Variants in LMBR1 observed in about 807,000 individuals in gnomAD.
LMBR1 encodes the protein limb development membrane protein 1, also known as limb region 1 protein homolog.
In LMBR1, 52 loss-of-function variants were observed where a neutral mutation model predicts 73.9. The ratio of observed to expected loss-of-function variants is 0.70; its 90% confidence interval spans 0.56 to 0.89. The LOEUF is 0.89. LMBR1 is among the 40% of genes least tolerant of loss of function. LMBR1 has a pLI of 0.00. For synonymous variants in LMBR1, 215 were observed against 209.4 expected, an observed-to-expected ratio of 1.03 and a Z score of -0.23; for missense variants, 539 against 579.8, an observed-to-expected ratio of 0.93 and a Z score of 0.72.
At chr7:156,779,633 G>C (rs1826767663) in intron 5 of LMBR1, 1 of 1,206,748 alleles carries the variant, frequency 8.3e-7, no homozygotes, top group Non-Finnish European at 1.1e-6. Flanking sequence ...CATCAATGAA[G>C]TGAAAATTAC....
At chr7:156,676,619 CCGCTCCTG>C (rs1358451425), downstream of LMBR1, 5 of 1,614,038 alleles carry the variant, frequency 3.1e-6, no homozygotes, top group Non-Finnish European at 4.2e-6. Flanking sequence ...GTCCTCTCTG[CCGCTCCTG>C]CTACCAGAAG....
intron 1 of LMBR1, among the ~76,000 whole-genome samples, chr7:156,884,822 T>C (rs2134518674): frequency 6.6e-6 from 1 of 152,346 alleles, no homozygotes; most frequent in Admixed American, 6.5e-5. Flanking sequence ...AGATTGGTGA[T>C]TGGTTCCCAC....
chr7:156,783,932 T>C (rs1334248509), intron 5 of LMBR1, among the ~76,000 whole-genome samples: 1 of 152,116 alleles, frequency 6.6e-6, no homozygotes, highest in Non-Finnish European at 1.5e-5. Context: ...TGTCAGATAA[T>C]ACCTTCGTAA....
chr7:156,797,446 A>G (rs1373742782), intron 4 of LMBR1, among the ~76,000 whole-genome samples: 1 of 152,266 alleles, frequency 6.6e-6, no homozygotes, highest in East Asian at 1.9e-4. Flanking sequence ...GTTTGCCATT[A>G]TAATTCAATG....
intron 4 of LMBR1, among the ~76,000 whole-genome samples, chr7:156,815,973 A>G (rs1315330474): frequency 6.6e-6 from 1 of 151,840 alleles, no homozygotes; most frequent in Non-Finnish European, 1.5e-5. Flanking sequence ...ATTGATCCAT[A>G]AACATACATG....
Position 156,708,792 on chromosome 7 carries a change from C to T in LMBR1, c.1225+15320G>A, listed in dbSNP as rs578195175. Among the ~76,000 whole-genome samples the T allele has an allele frequency of 7.0e-4, 106 of 152,226 alleles. 2 individuals carry two copies. The highest frequency in any genetic ancestry group is 1.7e-3 in the African/African-American group (71 of 41,536). On this transcript the variant is annotated intron_variant, in intron 15 of 16. Transcript: ENST00000353442. ...CTGAAAGCCATGCTTGCTTTCTCAG[C>T]GGGGAAGCTTACGGCCTGGGACAAG...
At chr7:156,787,281 C>T (rs565865017) in intron 5 of LMBR1, among the ~76,000 whole-genome samples, 3 of 152,292 alleles carry the variant, frequency 2.0e-5, no homozygotes, top group Admixed American at 6.5e-5. Flanking sequence ...CATAGCCTGG[C>T]TTATTCACTT....
intron 15 of LMBR1, among the ~76,000 whole-genome samples, chr7:156,689,373 G>A (rs1209135401): frequency 1.3e-5 from 2 of 152,316 alleles, no homozygotes; most frequent in African/African-American, 4.8e-5. Context: ...TTTTAAGGGT[G>A]ATTTAAGGAT....
chr7:156,855,401 G>C (rs1796800643), intron 1 of LMBR1, among the ~76,000 whole-genome samples: 1 of 152,028 alleles, frequency 6.6e-6, no homozygotes, highest in South Asian at 2.1e-4. Flanking sequence ...TAACACCATA[G>C]CAATTAGTCA....
chr7:156,866,241 G>C (rs1563571057), intron 1 of LMBR1, among the ~76,000 whole-genome samples: 1 of 152,058 alleles, frequency 6.6e-6, no homozygotes, highest in Non-Finnish European at 1.5e-5. Flanking sequence ...CTCTCCAAAA[G>C]AAAATTTTAT....
chr7:156,820,424 T>C (rs1834574701), intron 4 of LMBR1, among the ~76,000 whole-genome samples: 1 of 152,198 alleles, frequency 6.6e-6, no homozygotes, highest in Non-Finnish European at 1.5e-5. Flanking sequence ...AGGATATTAA[T>C]ATCACACTGG....
intron 1 of LMBR1, among the ~76,000 whole-genome samples, chr7:156,844,708 T>A (rs767302858): frequency 2.6e-5 from 4 of 151,638 alleles, no homozygotes; most frequent in Admixed American, 2.6e-4. Flanking sequence ...GGAACAGCCA[T>A]GCCCTATTTC....
chr7:156,850,078 C>G (rs781662145), intron 1 of LMBR1, among the ~76,000 whole-genome samples: 8 of 152,192 alleles, frequency 5.3e-5, no homozygotes, highest in Non-Finnish European at 7.3e-5. Context: ...GTATTTGAAA[C>G]TTAATTCCCA....
intron 1 of LMBR1, among the ~76,000 whole-genome samples, chr7:156,846,328 A>G (rs1230034727): frequency 6.6e-6 from 1 of 151,612 alleles, no homozygotes; most frequent in African/African-American, 2.4e-5. Flanking sequence ...CCAAATATGC[A>G]AAGATAAATC....
At chr7:156,688,307 G>A in intron 15 of LMBR1, 116 bp from the exon 16 acceptor site, 1 of 670,406 alleles carries the variant, frequency 1.5e-6, no homozygotes, top group East Asian at 2.9e-5. Flanking sequence ...TCTGTGACGT[G>A]AGATGCTCTA....
At chr7:156,856,262 G>C (rs1796962003) in intron 1 of LMBR1, among the ~76,000 whole-genome samples, 1 of 152,138 alleles carries the variant, frequency 6.6e-6, no homozygotes, top group African/African-American at 2.4e-5. Flanking sequence ...TCAGACAAAA[G>C]AAAACTGAAG....
intron 10 of LMBR1, among the ~76,000 whole-genome samples, chr7:156,730,458 C>G (rs558625839): frequency 3.3e-5 from 5 of 152,282 alleles, no homozygotes; most frequent in East Asian, 1.9e-4. Context: ...TGGAAATGGA[C>G]CGGTCGTCAT....
chr7:156,797,302 T>A (rs1216799874), intron 4 of LMBR1, among the ~76,000 whole-genome samples: 1 of 152,170 alleles, frequency 6.6e-6, no homozygotes, highest in Non-Finnish European at 1.5e-5. Context: ...GCCCAACATG[T>A]CAGATCATAT....
At chr7:156,877,335 T>G (rs192163044) in intron 1 of LMBR1, among the ~76,000 whole-genome samples, 4 of 151,574 alleles carry the variant, frequency 2.6e-5, no homozygotes, top group African/African-American at 9.7e-5. Context: ...AAAGAAGAAT[T>G]GGTACCAATC....
Sources: gnomAD v4.1 joint callset for allele counts (sites outside exome capture counted in the v4.1 genomes callset) on GRCh38, gnomAD v4.1.1 for gene constraint, MANE v1.5 for transcripts, NCBI Gene and HGNC (gene_info 2026-07-23, HGNC 2026-07-21) for gene names.